Variants in INO80 observed in about 807,000 individuals in gnomAD.
INO80 encodes chromatin-remodeling ATPase INO80.
In INO80, 20 loss-of-function variants were observed where a neutral mutation model predicts 203.4. The ratio of observed to expected loss-of-function variants is 0.10; its 90% CI spans 0.07 to 0.14. The LOEUF (loss-of-function observed/expected upper bound fraction) is 0.14. INO80 is among the 10% of genes least tolerant of loss of function. The pLI is 1.00. For missense variants in INO80, 1,419 were observed against 1,914.4 expected, an observed-to-expected ratio of 0.74 and a Z score of 4.83; for synonymous variants, 726 against 685.2, an observed-to-expected ratio of 1.06 and a Z score of -0.93.
chr15:41,070,612 C>G, intron 12 of INO80, 65 bp from the exon 13 acceptor site: 15 of 1,309,566 alleles, frequency 1.1e-5, no homozygotes, highest in Non-Finnish European at 1.7e-5. Context: ...AACCTGTTAC[C>G]AAAAAGAACG....
At chr15:41,031,627 A>AG (rs2044474031) in intron 24 of INO80, among the ~76,000 whole-genome samples, 2 of 32,134 alleles carry the variant, frequency 6.2e-5, no homozygotes, top group African/African-American at 3.0e-4. Flanking sequence ...GGAGGAAGGG[A>AG]GGAAGGGAGG....
intron 22 of INO80, 48 bp from the exon 23 acceptor site, chr15:41,047,549 A>G (rs2044790614): frequency 7.6e-7 from 1 of 1,310,654 alleles, no homozygotes; most frequent in Non-Finnish European, 1.1e-6. Flanking sequence ...CCAAGAGACG[A>G]TGCTCAGTTA....
Position 41,072,035 on chromosome 15 carries a change from T to C in INO80, c.1419A>G (p.Ala473=), listed in dbSNP as rs749647462. The change falls in exon 12 of 36, where the codon GCA becomes GCG. Residue 473 remains alanine, a synonymous_variant. Transcript: ENST00000648947. ...QARTRSFDED[A]KESRAAALRA... is the part of the protein sequence containing the mutation. ...GTAGGGCAGCTGCTCGACTTTCTTT[T>C]GCATCTTCATCAAATGACCTTGTCT... The C allele has an allele frequency of 7.5e-6, 12 of 1,594,064 alleles. No homozygotes were observed. In the African/African-American group the frequency reaches 1.2e-4, roughly 16 times the overall value.
chr15:41,013,986 T>G (rs1318874380), intron 27 of INO80, among the ~76,000 whole-genome samples: 1 of 152,148 alleles, frequency 6.6e-6, no homozygotes, highest in Non-Finnish European at 1.5e-5. Context: ...GGATTATAGA[T>G]AGAGAGGAAG....
intron 7 of INO80, among the ~76,000 whole-genome samples, chr15:41,083,524 G>T (rs1268055315): frequency 6.6e-6 from 1 of 151,618 alleles, no homozygotes; most frequent in East Asian, 1.9e-4. Context: ...TGACCAACAT[G>T]GCGAAACCTC....
At chr15:41,069,501 G>T in intron 14 of INO80, 69 bp downstream of exon 14, 2 of 906,330 alleles carry the variant, frequency 2.2e-6, no homozygotes, top group South Asian at 1.6e-5. Context: ...TAATTAGTAG[G>T]GCAAGAAAAG....
At chr15:41,110,874 T>G (rs571738520) in intron 1 of INO80, among the ~76,000 whole-genome samples, 1 of 152,366 alleles carries the variant, frequency 6.6e-6, no homozygotes, top group South Asian at 2.1e-4. Flanking sequence ...GGAGATTGAT[T>G]TTATATTTAG....
At chr15:40,980,884 A>C (rs191757323) in intron 35 of INO80, among the ~76,000 whole-genome samples, 43 of 152,286 alleles carry the variant, frequency 2.8e-4, no homozygotes, top group African/African-American at 1.0e-3. Flanking sequence ...GTCGGGCCAG[A>C]GGGTACAAGG....
intron 1 of INO80, among the ~76,000 whole-genome samples, chr15:41,103,624 C>A (rs1013585328): frequency 2.0e-5 from 3 of 152,132 alleles, no homozygotes. Flanking sequence ...CTCCTGAACT[C>A]AAGTGATCCA....
chr15:41,027,556 A>T, intron 25 of INO80, 40 bp downstream of exon 25: 1 of 1,537,534 alleles, frequency 6.5e-7, no homozygotes, highest in Non-Finnish European at 8.8e-7. Flanking sequence ...TATTTCTCCT[A>T]TTGCCATCTA....
In INO80 at chr15:41,053,938, T is replaced by C; in HGVS notation, c.2265A>G (p.Leu755=). Reference sequence around the variant, plus strand: ...GGTCTTCTTTACTTACCTTGTCAGATAATTCATTTTCCACATCTTTCTTGA... The same window carrying C: ...GGTCTTCTTTACTTACCTTGTCAGACAATTCATTTTCCACATCTTTCTTGA... ...RRIKKDVENE[L]SDKIEILMYC... Residue 755 remains leucine (L), a synonymous_variant, in exon 19 of 36, where the codon TTA becomes TTG. Transcript: ENST00000648947. 1 of 1,613,318 alleles carries C rather than the reference T, an allele frequency of 6.2e-7. No homozygotes were observed. The highest frequency in any genetic ancestry group is 8.5e-7 in the Non-Finnish European group (1 of 1,179,394).
At chr15:41,060,363 CG>C (rs2045080961) in intron 14 of INO80, among the ~76,000 whole-genome samples, 2 of 151,906 alleles carry the variant, frequency 1.3e-5, no homozygotes, top group African/African-American at 4.8e-5. Flanking sequence ...TCGAGGCAGG[CG>C]GATCACCTGA....
At chr15:41,020,324 G>A (rs989698320) in intron 26 of INO80, among the ~76,000 whole-genome samples, 2 of 152,164 alleles carry the variant, frequency 1.3e-5, no homozygotes, top group Non-Finnish European at 1.5e-5. Context: ...TGTAAGCAAA[G>A]AACGTGAGCC....
chr15:41,022,054 T>A (rs1302312563), intron 25 of INO80, among the ~76,000 whole-genome samples: 1 of 152,206 alleles, frequency 6.6e-6, no homozygotes, highest in Non-Finnish European at 1.5e-5. Context: ...CCATTTCAGG[T>A]TGAATATCCC....
At position 41,095,591 on chromosome 15, in the gene INO80, T is replaced by C; in HGVS notation, c.381+10A>G. The C allele has an allele frequency of 6.3e-7, 1 of 1,594,912 alleles. No homozygotes were observed. Among genetic ancestry groups the C allele is most frequent in the Admixed American group, 1.7e-5 (1 of 59,884 alleles). ...TATCTGCACTGTAAACACCCTGCTT[T>C]ATCTCTTACCTTTAGCCACTTTCTG... On this transcript the variant is annotated intron_variant, in intron 4 of 35. Transcript: ENST00000648947.
At chr15:40,992,053 G>A (rs1238445555) in intron 29 of INO80, among the ~76,000 whole-genome samples, 2 of 152,218 alleles carry the variant, frequency 1.3e-5, no homozygotes, top group Non-Finnish European at 2.9e-5. Context: ...TGGGATTACA[G>A]GCGTGAGCCA....
chr15:41,097,234 C>G (rs1270623348), intron 1 of INO80, among the ~76,000 whole-genome samples: 2 of 151,496 alleles, frequency 1.3e-5, no homozygotes, highest in Non-Finnish European at 2.9e-5. Context: ...TTAGTGGAGA[C>G]GGGGTTTCAC....
chr15:41,079,597 A>AATT, intron 9 of INO80, 104 bp downstream of exon 9: 1 of 1,089,124 alleles, frequency 9.2e-7, no homozygotes, highest in Non-Finnish European at 1.4e-6. Context: ...AAAACAAAAA[A>AATT]TTGACAGTGT....
chr15:41,074,304 T>A, intron 10 of INO80, 66 bp downstream of exon 10: 2 of 1,183,868 alleles, frequency 1.7e-6, no homozygotes, highest in Non-Finnish European at 2.3e-6. Flanking sequence ...CAAAAATTAA[T>A]GTATATAACC....
Sources: allele counts gnomAD v4.1 joint callset (sites outside exome capture counted in the v4.1 genomes callset), GRCh38; gene constraint gnomAD v4.1.1; transcripts MANE v1.5; gene names NCBI Gene and HGNC (gene_info 2026-07-23, HGNC 2026-07-21).